The following ARID4B variants were observed in gnomAD, a reference collection of about 807,000 sequenced individuals.
The protein encoded by ARID4B is AT-rich interactive domain-containing protein 4B.
In ARID4B, 26 loss-of-function variants were observed where a neutral mutation model predicts 147.5. The ratio of observed to expected loss-of-function variants is 0.18; its 90% CI spans 0.13 to 0.24. The LOEUF is 0.24. ARID4B is among the 10% of genes least tolerant of loss of function. The pLI, the probability that ARID4B is intolerant of heterozygous loss-of-function variation, is 1.00. For missense variants in ARID4B, 1,179 were observed against 1,511.5 expected (o/e 0.78, Z 3.65); for synonymous variants, 512 against 507.9 (o/e 1.01, Z -0.11).
chr1:235,237,382 C>CATAT (rs1373231056), intron 8 of ARID4B, among the ~76,000 whole-genome samples: 1 of 152,034 alleles, frequency 6.6e-6, no homozygotes, highest in East Asian at 1.9e-4. Flanking sequence ...ACTCCTTGTA[C>CATAT]ATATAGGTAT....
chr1:235,250,867 A>G (rs1377215338), intron 6 of ARID4B, among the ~76,000 whole-genome samples: 1 of 152,154 alleles, frequency 6.6e-6, no homozygotes. Flanking sequence ...CCAACTGAAA[A>G]TTCTCCTGGT....
At position 235,194,151 on chromosome 1, in the gene ARID4B, G is replaced by C. The variant is rs753915756; in HGVS notation, c.1987C>G (p.Arg663Gly). The stretch of plus-strand genomic sequence containing the variant: ...TGAAATGGTGGTTTGGACAAGCGCC[G>C]AAGTTTACAGTTTTTTGGAGAGTAT... ...EKYSPKNCKL[R>G]RLSKPPFQTN... Residue 663 changes from arginine (R) to glycine (G), a missense_variant, in exon 19 of 24, where the codon CGG becomes GGG. Physicochemically the swap from Arg to Gly is moderately radical, Grantham distance 125. Coordinates refer to ENST00000264183, the MANE Select transcript of ARID4B (RefSeq NM_016374.6). 6.2e-7 allele frequency: 1 copy of C among 1,613,338 alleles called. No homozygotes were observed. Among genetic ancestry groups the C allele is most frequent in the Non-Finnish European group, 8.5e-7 (1 of 1,179,380 alleles).
chr1:235,298,052 T>C (rs991149124), intron 2 of ARID4B, among the ~76,000 whole-genome samples: 7 of 152,172 alleles, frequency 4.6e-5, no homozygotes, highest in African/African-American at 1.7e-4. Flanking sequence ...GGTATGACAG[T>C]TGTACTATGA....
chr1:235,255,605 A>G, intron 5 of ARID4B, 55 bp downstream of exon 5: 1 of 1,120,700 alleles, frequency 8.9e-7, no homozygotes. Flanking sequence ...TATTTGTATT[A>G]AGTTTTCTTT....
intron 17 of ARID4B, among the ~76,000 whole-genome samples, chr1:235,203,674 T>C (rs1666101747): frequency 6.6e-6 from 1 of 152,150 alleles, no homozygotes; most frequent in Admixed American, 6.5e-5. Flanking sequence ...AGTTAATGTA[T>C]GTCATATAAT....
intron 19 of ARID4B, among the ~76,000 whole-genome samples, chr1:235,189,026 GCATC>G (rs1488614108): frequency 6.6e-6 from 1 of 152,070 alleles, no homozygotes; most frequent in African/African-American, 2.4e-5. Flanking sequence ...GTAAGGTATT[GCATC>G]CATCTATAAG....
chr1:235,195,959 T>G (rs770862957), intron 18 of ARID4B, 72 bp downstream of exon 18: 384 of 873,566 alleles, frequency 4.4e-4, no homozygotes, highest in Non-Finnish European at 3.8e-4. Flanking sequence ...CACTAACACA[T>G]ATTTAATTGC....
chr1:235,219,095 A>C (rs1181567744), intron 16 of ARID4B, among the ~76,000 whole-genome samples: 2 of 151,884 alleles, frequency 1.3e-5, no homozygotes, highest in Non-Finnish European at 2.9e-5. Flanking sequence ...AAATCCCGAC[A>C]TCAAGTGATC....
intron 2 of ARID4B, among the ~76,000 whole-genome samples, chr1:235,267,371 T>C: frequency 6.6e-6 from 1 of 152,370 alleles, no homozygotes; most frequent in Non-Finnish European, 1.5e-5. Context: ...GCCTATTTTA[T>C]ATATAGCAAT....
At position 235,213,992 on chromosome 1, in the gene ARID4B, C is replaced by T. The variant is rs150467688; in HGVS notation, c.1618G>A (p.Glu540Lys). 7 of 1,590,120 alleles carry T rather than the reference C, an allele frequency of 4.4e-6. No homozygotes were observed. Among genetic ancestry groups the T allele is most frequent in the Non-Finnish European group, 6.0e-6 (7 of 1,158,758 alleles). The change falls in exon 17 of 24, where the codon GAA becomes AAA. Residue 540 changes from glutamate to lysine, a missense_variant. This residue lies in a region of ARID4B where 204 missense variants were observed against 210.9 expected (regional missense o/e 0.97). Coordinates refer to ENST00000264183, the MANE Select transcript of ARID4B (RefSeq NM_016374.6). The part of the protein sequence containing the change: ...ETNKEEDEDD[E>K]EAEEEEEEEE... ...TCCTCCTCCTCCTCTTCTGCTTCTT[C>T]ATCATCTTCATCTTCTTCTTTATTC...
chr1:235,317,219 G>A (rs1240513582), intron 2 of ARID4B, among the ~76,000 whole-genome samples: 2 of 152,150 alleles, frequency 1.3e-5, no homozygotes, highest in Non-Finnish European at 2.9e-5. Flanking sequence ...AAAAGTAGAA[G>A]GATATAGAAA....
chr1:235,294,760 C>T (rs12067091), intron 2 of ARID4B, among the ~76,000 whole-genome samples: 5,846 of 151,436 alleles, frequency 0.039, 429 homozygotes, highest in African/African-American at 0.13. Flanking sequence ...GTTATCCGCC[C>T]GCCTCAGCCT....
chr1:235,298,947 A>C (rs1406838722), intron 2 of ARID4B, among the ~76,000 whole-genome samples: 1 of 117,030 alleles, frequency 8.5e-6, no homozygotes, highest in Non-Finnish European at 1.8e-5. Context: ...CATTTCATTC[A>C]TTAAAAACTG....
intron 9 of ARID4B, among the ~76,000 whole-genome samples, chr1:235,234,096 CAATAAAGTATTA>C (rs1234344110): frequency 2.0e-5 from 3 of 151,992 alleles, no homozygotes; most frequent in Non-Finnish European, 4.4e-5. Flanking sequence ...ACAAAAAAAT[CAATAAAGTATTA>C]AATACATTAG....
At chr1:235,290,121 G>A (rs1015063165) in intron 2 of ARID4B, among the ~76,000 whole-genome samples, 1 of 152,044 alleles carries the variant, frequency 6.6e-6, no homozygotes, top group Non-Finnish European at 1.5e-5. Flanking sequence ...CGGCAGGTAA[G>A]TTATGGGAAA....
intron 2 of ARID4B, among the ~76,000 whole-genome samples, chr1:235,310,270 G>T (rs1673953151): frequency 6.6e-6 from 1 of 151,654 alleles, no homozygotes; most frequent in Admixed American, 6.6e-5. Context: ...TTTCAACAAA[G>T]TAAGTAGGCA....
rs528877329 is a variant in ARID4B at position 235,296,639 on chromosome 1, T to C, written c.6+30275A>G. The stretch of plus-strand genomic sequence containing the variant: ...TGCCTGGCTAATTTTTTTGAGCTTT[T>C]TGTAGAGACAGGGTTTTGCCATGTT... On this transcript the variant is annotated intron_variant, in intron 2 of 23. Coordinates refer to ENST00000264183, the MANE Select transcript of ARID4B (RefSeq NM_016374.6). Among the ~76,000 whole-genome samples, 10 of 151,598 alleles carry C rather than the reference T, an allele frequency of 6.6e-5. No individual in the cohort carries two copies. In the South Asian group the frequency reaches 2.1e-3, roughly 32 times the overall value.
intron 23 of ARID4B, among the ~76,000 whole-genome samples, chr1:235,169,942 G>A (rs556337133): frequency 2.0e-5 from 3 of 152,156 alleles, no homozygotes; most frequent in Non-Finnish European, 4.4e-5. Context: ...AATTACAGGC[G>A]TGAGCAATTG....
chr1:235,305,969 G>GA (rs2103261005), intron 2 of ARID4B, among the ~76,000 whole-genome samples: 2 of 152,094 alleles, frequency 1.3e-5, no homozygotes, highest in South Asian at 2.1e-4. Flanking sequence ...CTTCAAATAA[G>GA]AAAAAACTAC....
Sources: gnomAD v4.1 joint callset for allele counts (sites outside exome capture counted in the v4.1 genomes callset) on GRCh38, gnomAD v4.1.1 for gene constraint, gnomAD v4.1.1 regional missense constraint, MANE v1.5 for transcripts, NCBI Gene and HGNC (gene_info 2026-07-23, HGNC 2026-07-21) for gene names.